DGKH: variants seen among roughly 807,000 people sequenced by gnomAD.
DGKH encodes DAG kinase eta.
A neutral mutation model predicts 159.3 loss-of-function variants in DGKH; 90 were observed. That is an observed-to-expected ratio of 0.57 (90% CI 0.48 to 0.67). The LOEUF (loss-of-function observed/expected upper bound fraction) is 0.67. Among genes scored for constraint, DGKH ranks in the 30% least tolerant of loss-of-function variants. The probability of loss-of-function intolerance (pLI) is 0.00; values close to 1 mark genes in which losing one functional copy is unlikely to be tolerated. For synonymous variants in DGKH, 536 were observed against 553.8 expected, an observed-to-expected ratio of 0.97 and a Z score of 0.45; for missense variants, 1,181 against 1,506.1, an observed-to-expected ratio of 0.78 and a Z score of 3.57.
At position 42,238,340 on chromosome 13, in the gene DGKH, G is replaced by A. The variant is rs1313986882; in HGVS notation, c.*9152G>A. On this transcript the variant is annotated 3_prime_UTR_variant, in exon 30 of 30. Transcript: ENST00000337343. Reference sequence around the variant, plus strand: ...AGCATTTGTACCAGAGTAGATTATGGGTATTTTCATCTGTTATATTACATG... The same window carrying A: ...AGCATTTGTACCAGAGTAGATTATGAGTATTTTCATCTGTTATATTACATG... The A allele has an allele frequency of 6.6e-6, 1 of 151,858 alleles. No individual in the cohort carries two copies. Among genetic ancestry groups the A allele is most frequent in the Non-Finnish European group, 1.5e-5 (1 of 67,924 alleles). 9.4% of individuals were successfully genotyped at this position (151,858 alleles called of 1,614,324 possible). A position where few individuals can be genotyped will look rare whatever the true frequency, so the allele number is the denominator to read the frequency against.
At position 42,070,174 on chromosome 13, in the gene DGKH, A is replaced by AT. The variant is rs553950213; in HGVS notation, c.192+21211dup. On this transcript the variant is annotated intron_variant, in intron 1 of 29. Transcript: ENST00000337343. ...AGGATGGGAGAGCGCTTCTTCTGCTATTAACCAATCCATGGGGCTAAATGT... is the reference window on the plus strand; with the variant it reads ...AGGATGGGAGAGCGCTTCTTCTGCTATTTAACCAATCCATGGGGCTAAATGT... The AT allele has an allele frequency of 3.6e-3, 3,371 of 936,918 alleles. 12 individuals carry two copies. Among genetic ancestry groups the AT allele is most frequent in the Non-Finnish European group, 4.7e-3 (2,607 of 560,252 alleles). The allele number at this position is 936,918 out of a possible 1,614,324, so 58.0% of individuals were successfully genotyped here. A position where few individuals can be genotyped will look rare whatever the true frequency, so the allele number is the denominator to read the frequency against.
At chr13:42,098,506 AT>A (rs1174996701) in intron 1 of DGKH, among the ~76,000 whole-genome samples, 1 of 152,006 alleles carries the variant, frequency 6.6e-6, no homozygotes, top group African/African-American at 2.4e-5. Context: ...AAATAAATTA[AT>A]ACTTAAAAGT....
intron 3 of DGKH, among the ~76,000 whole-genome samples, chr13:42,138,972 C>A (rs1955468955): frequency 6.6e-6 from 1 of 152,064 alleles, no homozygotes; most frequent in African/African-American, 2.4e-5. Context: ...AATTCATATT[C>A]CTTTTTCTAT....
intron 13 of DGKH, among the ~76,000 whole-genome samples, chr13:42,186,582 C>T (rs1956933353): frequency 6.6e-6 from 1 of 152,174 alleles, no homozygotes; most frequent in Admixed American, 6.5e-5. Context: ...TAACGCACAA[C>T]CTCTTTCTCT....
chr13:42,206,383 A>G (rs996978342), intron 21 of DGKH, among the ~76,000 whole-genome samples: 2 of 152,216 alleles, frequency 1.3e-5, no homozygotes, highest in Non-Finnish European at 2.9e-5. Flanking sequence ...TGTATGTCAC[A>G]ATTTTCTGGA....
At chr13:42,085,015 A>G (rs1252161925) in intron 1 of DGKH, among the ~76,000 whole-genome samples, 2 of 151,898 alleles carry the variant, frequency 1.3e-5, no homozygotes, top group Non-Finnish European at 2.9e-5. Flanking sequence ...TTTTATTCCT[A>G]CTTTTAAACA....
In DGKH at chr13:42,195,007, A is replaced by G; in HGVS notation, c.2158A>G (p.Ile720Val). The G allele has an allele frequency of 6.2e-7, 1 of 1,613,862 alleles. No individual in the cohort carries two copies. The highest frequency in any genetic ancestry group is 2.2e-5 in the East Asian group (1 of 44,872). ...ENLPVLNTRI[I>V]CPGLRAGLAA... ...CCTCCCTGTGCTCAATACCAGAATA[A>G]TCTGCCCAGGTAGTACAGATTCTGA... is the stretch of plus-strand genomic sequence containing the variant. The change falls in exon 17 of 30, where the codon ATC becomes GTC. Residue 720 changes from isoleucine to valine, a missense_variant. By Grantham distance (29) the Ile-to-Val change is conservative. Coordinates refer to ENST00000337343, the MANE Select transcript of DGKH (RefSeq NM_178009.5).
intron 13 of DGKH, among the ~76,000 whole-genome samples, chr13:42,181,097 A>G (rs1195211212): frequency 1.3e-5 from 2 of 151,990 alleles, no homozygotes; most frequent in East Asian, 3.9e-4. Context: ...TAACACGGTG[A>G]AACCCCGTCT....
At chr13:42,044,609 G>A (rs190865833), upstream of DGKH, among the ~76,000 whole-genome samples, 618 of 152,264 alleles carry the variant, frequency 4.1e-3, 4 homozygotes, top group African/African-American at 0.012. Context: ...TTCTTAAAAC[G>A]CAGCCATGTT....
At chr13:42,161,596 A>C (rs1431548475) in intron 7 of DGKH, among the ~76,000 whole-genome samples, 2 of 150,460 alleles carry the variant, frequency 1.3e-5, no homozygotes, top group Non-Finnish European at 3.0e-5. Flanking sequence ...CCTGGCTAAC[A>C]CAGTGAAACC....
At chr13:42,245,222 A>C (rs900447821), downstream of DGKH, among the ~76,000 whole-genome samples, 1 of 152,098 alleles carries the variant, frequency 6.6e-6, no homozygotes, top group African/African-American at 2.4e-5. Flanking sequence ...ATAAAATGAG[A>C]TCTCCTTTGA....
At chr13:42,199,977 A>T in intron 20 of DGKH, 68 bp downstream of exon 20, 1 of 1,351,404 alleles carries the variant, frequency 7.4e-7, no homozygotes, top group Non-Finnish European at 1.0e-6. Flanking sequence ...TTTGGAGCTA[A>T]TTTGACCTAA....
chr13:42,227,413 A>G (rs1566216318), intron 29 of DGKH, among the ~76,000 whole-genome samples: 1 of 152,208 alleles, frequency 6.6e-6, no homozygotes, highest in African/African-American at 2.4e-5. Context: ...TTTATGGCCT[A>G]AAATAAAATA....
At chr13:42,054,144 C>T (rs1206945246) in intron 1 of DGKH, among the ~76,000 whole-genome samples, 4 of 152,142 alleles carry the variant, frequency 2.6e-5, no homozygotes, top group East Asian at 1.9e-4. Flanking sequence ...GCTGGGGAAG[C>T]CTTGCTCTGT....
intron 29 of DGKH, among the ~76,000 whole-genome samples, chr13:42,226,411 C>T (rs779829923): frequency 2.6e-5 from 4 of 152,074 alleles, no homozygotes; most frequent in South Asian, 4.1e-4. Flanking sequence ...ACCTAGAACC[C>T]GAAATACCAT....
At chr13:42,164,105 A>G (rs1956257432) in intron 7 of DGKH, among the ~76,000 whole-genome samples, 1 of 152,214 alleles carries the variant, frequency 6.6e-6, no homozygotes, top group South Asian at 2.1e-4. Flanking sequence ...TCTAGTGCCT[A>G]AAACATAATC....
chr13:42,090,937 A>G (rs1447325618), intron 1 of DGKH, among the ~76,000 whole-genome samples: 1 of 152,126 alleles, frequency 6.6e-6, no homozygotes, highest in Non-Finnish European at 1.5e-5. Context: ...TTCTCTCTGG[A>G]GGATGCAGCA....
At position 42,125,988 on chromosome 13, in the gene DGKH, T is replaced by A. The variant is rs146959738; in HGVS notation, c.193-1475T>A. Among the ~76,000 whole-genome samples the A allele has an allele frequency of 4.0e-3, 604 of 152,144 alleles. 3 individuals are homozygous for A. Among genetic ancestry groups the A allele is most frequent in the African/African-American group, 0.014 (570 of 41,410 alleles). On this transcript the variant is annotated intron_variant, in intron 1 of 29. Transcript: ENST00000337343. ...TCACTATAGCACTGTAACTCTTTAT[T>A]GAATGCTGTATAAATGTGATCCATC...
At position 42,168,458 on chromosome 13, in the gene DGKH, G is replaced by A; in HGVS notation, c.1137G>A (p.Lys379=). ...CTTTCAGTTTAAGATTATTTCAGAA[G>A]TTTGACAATTTCCGGATTCTTGTTT... The part of the protein sequence containing the change: ...GPHLGLRLFQ[K]FDNFRILVCG... The change falls in exon 10 of 30, where the codon AAG becomes AAA. Residue 379 remains lysine, a synonymous_variant. Coordinates refer to ENST00000337343, the MANE Select transcript of DGKH (RefSeq NM_178009.5). 1.9e-6 allele frequency: 3 copies of A among 1,613,992 alleles called. No individual in the cohort carries two copies. Among genetic ancestry groups the A allele is most frequent in the Non-Finnish European group, 2.5e-6 (3 of 1,179,930 alleles).
Sources: allele counts gnomAD v4.1 joint callset (sites outside exome capture counted in the v4.1 genomes callset), GRCh38; gene constraint gnomAD v4.1.1; transcripts MANE v1.5; gene names NCBI Gene and HGNC (gene_info 2026-07-23, HGNC 2026-07-21).